SPOCK1: variants seen among roughly 807,000 people sequenced by gnomAD.
SPOCK1 encodes testican-1.
In SPOCK1, 23 loss-of-function variants were observed where a neutral mutation model predicts 55.3. The observed-to-expected ratio is 0.42, with a 90% CI of 0.30 to 0.59. The LOEUF (loss-of-function observed/expected upper bound fraction) is 0.59. Ranked by LOEUF, SPOCK1 falls within the 20% of genes least tolerant of loss-of-function variation. The pLI is 0.22. For missense variants in SPOCK1, 499 were observed against 552.5 expected (o/e 0.90, Z 0.97); for synonymous variants, 226 against 221.0 (o/e 1.02, Z -0.20).
rs568223355 is a variant in SPOCK1, at chr5:137,098,724, C to A, written c.474+13711G>T. Among the ~76,000 whole-genome samples, 7 of 152,376 alleles carry A rather than the reference C, an allele frequency of 4.6e-5. No individual in the cohort carries two copies. In the South Asian group the frequency reaches 1.5e-3, roughly 32 times the overall value. ...TCAAGAACACATTGCTCTTCCCTCA[C>A]CTGCACTGACCATCAATTTTTGCCT... On this transcript the variant is annotated intron_variant, in intron 5 of 10. Coordinates refer to ENST00000394945, the MANE Select transcript of SPOCK1 (RefSeq NM_004598.4).
chr5:136,991,707 C>T (rs1750950880), intron 7 of SPOCK1, among the ~76,000 whole-genome samples: 1 of 152,186 alleles, frequency 6.6e-6, no homozygotes, highest in African/African-American at 2.4e-5. Context: ...GTAATCTATT[C>T]TGTGCTCATT....
intron 5 of SPOCK1, among the ~76,000 whole-genome samples, chr5:137,080,681 G>A (rs11242366): frequency 0.6 from 91,415 of 151,854 alleles, 28,179 homozygotes; most frequent in East Asian, 0.73. Flanking sequence ...TATTCCTTGA[G>A]TAAAAGAATG....
intron 5 of SPOCK1, among the ~76,000 whole-genome samples, chr5:137,106,623 C>A (rs558518086): frequency 1.3e-5 from 2 of 152,126 alleles, no homozygotes; most frequent in South Asian, 4.2e-4. Flanking sequence ...ATCCCTGCAC[C>A]CTCTCTGCAA....
chr5:137,259,063 T>C (rs1756695577), intron 3 of SPOCK1, among the ~76,000 whole-genome samples: 1 of 152,152 alleles, frequency 6.6e-6, no homozygotes. Flanking sequence ...ACCACATACC[T>C]ACTCCTTGGC....
At chr5:137,152,404 C>T (rs139156616) in intron 3 of SPOCK1, among the ~76,000 whole-genome samples, 5 of 152,288 alleles carry the variant, frequency 3.3e-5, no homozygotes, top group African/African-American at 9.6e-5. Context: ...TAATATAAAA[C>T]ATAAATCAGG....
Position 136,982,056 on chromosome 5 carries a change from G to A in SPOCK1, c.992-2587C>T, listed in dbSNP as rs1750742485. ...GTAGTATTCAGTACGATAAAATGGT[G>A]TACAGGTTTATACCTAGGAGCAATA... On this transcript the variant is annotated intron_variant, in intron 9 of 10. Coordinates refer to ENST00000394945, the MANE Select transcript of SPOCK1 (RefSeq NM_004598.4). 2.0e-5 allele frequency among the ~76,000 whole-genome samples: 3 copies of A among 152,266 alleles called. No individual in the cohort carries two copies. In the South Asian group the frequency reaches 6.2e-4, roughly 32 times the overall value.
intron 2 of SPOCK1, among the ~76,000 whole-genome samples, chr5:137,453,568 G>A (rs1753299814): frequency 6.6e-6 from 1 of 152,018 alleles, no homozygotes; most frequent in Non-Finnish European, 1.5e-5. Flanking sequence ...GTATGGCAAA[G>A]CCCAGCCACG....
At chr5:137,248,378 T>A (rs1307520359) in intron 3 of SPOCK1, among the ~76,000 whole-genome samples, 1 of 152,144 alleles carries the variant, frequency 6.6e-6, no homozygotes, top group Non-Finnish European at 1.5e-5. Context: ...TGCACTTGGG[T>A]CATATAGGTG....
chr5:137,018,414 T>C (rs1047428040), intron 6 of SPOCK1, among the ~76,000 whole-genome samples: 2 of 152,208 alleles, frequency 1.3e-5, no homozygotes, highest in Non-Finnish European at 2.9e-5. Flanking sequence ...ACCCTGCATA[T>C]ATTAATAGTT....
intron 2 of SPOCK1, among the ~76,000 whole-genome samples, chr5:137,285,725 T>C (rs1353699774): frequency 6.6e-6 from 1 of 152,182 alleles, no homozygotes; most frequent in Non-Finnish European, 1.5e-5. Context: ...CCTTGGCCTT[T>C]GTGTCTGCTC....
At chr5:137,343,868 G>A (rs748749399) in intron 2 of SPOCK1, among the ~76,000 whole-genome samples, 4 of 152,154 alleles carry the variant, frequency 2.6e-5, no homozygotes, top group East Asian at 1.9e-4. Context: ...GAAGTGTTAA[G>A]TCCAAGAGGT....
intron 2 of SPOCK1, among the ~76,000 whole-genome samples, chr5:137,327,928 T>C (rs543055979): frequency 7.2e-5 from 11 of 151,984 alleles, no homozygotes; most frequent in African/African-American, 2.7e-4. Flanking sequence ...GGGGAAAAAA[T>C]GAATACACTG....
chr5:137,357,910 C>G (rs146896561), intron 2 of SPOCK1, among the ~76,000 whole-genome samples: 13 of 152,196 alleles, frequency 8.5e-5, no homozygotes, highest in African/African-American at 3.1e-4. Context: ...AGGTACCATT[C>G]CATTTAAACC....
rs1752219153 is a variant in SPOCK1 at position 137,412,073 on chromosome 5, G to C, written c.186+86300C>G. Among the ~76,000 whole-genome samples, 4 of 152,334 alleles carry C rather than the reference G, an allele frequency of 2.6e-5. No homozygotes were observed. In the South Asian group the frequency reaches 8.3e-4, roughly 32 times the overall value. On this transcript the variant is annotated intron_variant, in intron 2 of 10. Transcript: ENST00000394945. ...ATCCACCCACAATGTGAAGAGTTGA[G>C]GGGAAGAGCCACCTGTCATGGAGAT...
At chr5:137,147,217 A>G (rs1012024553) in intron 3 of SPOCK1, among the ~76,000 whole-genome samples, 2 of 152,222 alleles carry the variant, frequency 1.3e-5, no homozygotes, top group African/African-American at 4.8e-5. Flanking sequence ...AGCAGTTTAT[A>G]GTATCCTCTC....
intron 2 of SPOCK1, among the ~76,000 whole-genome samples, chr5:137,322,589 A>C (rs1367461932): frequency 6.6e-6 from 1 of 152,144 alleles, no homozygotes; most frequent in Non-Finnish European, 1.5e-5. Context: ...ATGTGACTGA[A>C]GCTAAGCTGA....
At chr5:137,058,975 A>G (rs1752346852) in intron 6 of SPOCK1, among the ~76,000 whole-genome samples, 1 of 152,192 alleles carries the variant, frequency 6.6e-6, no homozygotes, top group African/African-American at 2.4e-5. Flanking sequence ...AAGGACTTTA[A>G]CTTTTCCTCT....
At chr5:137,056,455 A>G (rs984326078) in intron 6 of SPOCK1, among the ~76,000 whole-genome samples, 1 of 152,066 alleles carries the variant, frequency 6.6e-6, no homozygotes, top group East Asian at 1.9e-4. Flanking sequence ...CTCCCTGGTG[A>G]CTGGCCTGGC....
At chr5:137,177,772 T>C (rs1754885656) in intron 3 of SPOCK1, among the ~76,000 whole-genome samples, 1 of 149,854 alleles carries the variant, frequency 6.7e-6, no homozygotes, top group Admixed American at 6.7e-5. Flanking sequence ...ATGTCTTTGG[T>C]GTGATCCAGT....
Sources: gnomAD v4.1 joint callset for allele counts (sites outside exome capture counted in the v4.1 genomes callset) on GRCh38, gnomAD v4.1.1 for gene constraint, MANE v1.5 for transcripts, NCBI Gene and HGNC (gene_info 2026-07-23, HGNC 2026-07-21) for gene names.